The following NAV2 variants were observed in gnomAD, a reference collection of about 807,000 sequenced individuals.
NAV2 encodes helicase, APC down-regulated 1.
Under a neutral mutation model 223.2 loss-of-function variants are expected in NAV2, and 54 were observed. That is an observed-to-expected ratio of 0.24 (90% CI 0.19 to 0.30). The LOEUF is 0.30. Ranked by LOEUF, NAV2 falls within the 10% of genes least tolerant of loss-of-function variation. The pLI, the probability that NAV2 is intolerant of heterozygous loss-of-function variation, is 1.00. For missense variants in NAV2, 2,806 were observed against 3,147.5 expected (o/e 0.89, Z 2.60); for synonymous variants, 1,279 against 1,239.3 (o/e 1.03, Z -0.67).
intron 1 of NAV2, among the ~76,000 whole-genome samples, chr11:19,787,796 A>C (rs2057243808): frequency 6.6e-6 from 1 of 152,128 alleles, no homozygotes; most frequent in East Asian, 1.9e-4. Context: ...CAAAATTTAG[A>C]GTGGGAGAAA....
chr11:19,665,815 A>C (rs2048395537), intron 1 of NAV2, among the ~76,000 whole-genome samples: 1 of 152,202 alleles, frequency 6.6e-6, no homozygotes, highest in African/African-American at 2.4e-5. Flanking sequence ...TTAATCAACC[A>C]AAGTATAAGT....
At chr11:19,949,344 A>G (rs2047196450) in intron 10 of NAV2, among the ~76,000 whole-genome samples, 1 of 151,792 alleles carries the variant, frequency 6.6e-6, no homozygotes, top group Admixed American at 6.6e-5. Context: ...CTTAAACCAA[A>G]CCTTGCACTG....
At chr11:20,024,178 G>A (rs898597321) in intron 11 of NAV2, among the ~76,000 whole-genome samples, 1 of 152,192 alleles carries the variant, frequency 6.6e-6, no homozygotes, top group Non-Finnish European at 1.5e-5. Flanking sequence ...AAATACACAG[G>A]ATGCTAGCAG....
At chr11:19,669,076 AG>A (rs1378129559) in intron 1 of NAV2, among the ~76,000 whole-genome samples, 8 of 152,228 alleles carry the variant, frequency 5.3e-5, no homozygotes, top group Non-Finnish European at 8.8e-5. Flanking sequence ...TAGCTCTAGC[AG>A]GGGCACTGGG....
chr11:19,661,332 G>A (rs908904769), intron 1 of NAV2, among the ~76,000 whole-genome samples: 1 of 151,958 alleles, frequency 6.6e-6, no homozygotes, highest in Non-Finnish European at 1.5e-5. Flanking sequence ...ACCACATTTG[G>A]TGTATCCATT....
At chr11:19,539,634 TG>T (rs2134513580) in intron 1 of NAV2, among the ~76,000 whole-genome samples, 1 of 152,254 alleles carries the variant, frequency 6.6e-6, no homozygotes, top group Non-Finnish European at 1.5e-5. Context: ...TCTTAGGGGA[TG>T]GGAGCAAAAA....
chr11:20,060,839 G>A (rs977560222), intron 19 of NAV2, among the ~76,000 whole-genome samples: 1 of 152,228 alleles, frequency 6.6e-6, no homozygotes, highest in Non-Finnish European at 1.5e-5. Flanking sequence ...AATTCATAGT[G>A]TAACAAGAAC....
At chr11:19,656,298 T>C (rs2048123791) in intron 1 of NAV2, among the ~76,000 whole-genome samples, 1 of 152,204 alleles carries the variant, frequency 6.6e-6, no homozygotes, top group South Asian at 2.1e-4. Context: ...CACGGGGGCC[T>C]GTACCTTACT....
intron 1 of NAV2, among the ~76,000 whole-genome samples, chr11:19,754,868 C>T (rs77841468): frequency 0.025 from 3,780 of 152,240 alleles, 90 homozygotes; most frequent in East Asian, 0.053. Flanking sequence ...CTTAGCCTAC[C>T]GTGGTATGGA....
At chr11:19,764,234 A>T (rs2055018556) in intron 1 of NAV2, among the ~76,000 whole-genome samples, 1 of 152,222 alleles carries the variant, frequency 6.6e-6, no homozygotes, top group South Asian at 2.1e-4. Context: ...ATTTTAACTG[A>T]TATTTTAACT....
intron 1 of NAV2, among the ~76,000 whole-genome samples, chr11:19,479,550 C>T (rs939495482): frequency 2.6e-5 from 4 of 152,154 alleles, no homozygotes; most frequent in Non-Finnish European, 4.4e-5. Context: ...GAGCTTAAGT[C>T]ATTTACCCAA....
intron 6 of NAV2, among the ~76,000 whole-genome samples, chr11:19,919,271 G>A (rs2153226841): frequency 6.6e-6 from 1 of 151,068 alleles, no homozygotes; most frequent in African/African-American, 2.4e-5. Context: ...CTGTGAGTGA[G>A]CCTGGTTTCC....
intron 11 of NAV2, among the ~76,000 whole-genome samples, chr11:20,014,377 C>G (rs942025634): frequency 3.9e-5 from 6 of 152,238 alleles, no homozygotes; most frequent in African/African-American, 1.4e-4. Flanking sequence ...TTTGAACTCT[C>G]TCTGTGCCCC....
chr11:19,665,952 A>G (rs2048398728), intron 1 of NAV2, among the ~76,000 whole-genome samples: 1 of 152,148 alleles, frequency 6.6e-6, no homozygotes, highest in Admixed American at 6.5e-5. Context: ...CATCATCATC[A>G]TCGTCATCAC....
chr11:19,871,337 G>A (rs138984039), intron 4 of NAV2, among the ~76,000 whole-genome samples: 135 of 152,268 alleles, frequency 8.9e-4, no homozygotes, highest in African/African-American at 3.0e-3. Context: ...TCCTTCCAGT[G>A]TAAATGGCTT....
rs186117424 is a variant in NAV2, at chr11:19,530,762, G to A, written c.75+179735G>A. Among the ~76,000 whole-genome samples, 526 of 152,314 alleles carry A rather than the reference G, an allele frequency of 3.5e-3. 3 individuals carry two copies. The highest frequency in any genetic ancestry group is 5.5e-3 in the Non-Finnish European group (377 of 68,042). On this transcript the variant is annotated intron_variant, in intron 1 of 37. Coordinates refer to the NAV2 transcript ENST00000360655. ...CTGCTATGTGTCATGGACTGTGCAG[G>A]CACTGTATGCACATTAACTCAAAAC...
At position 19,543,632 on chromosome 11, in the gene NAV2, T is replaced by A. The variant is rs114217519; in HGVS notation, c.75+192605T>A. Among the ~76,000 whole-genome samples, 1,440 of 152,328 alleles carry A rather than the reference T, an allele frequency of 9.5e-3. 17 individuals are homozygous for A. Among genetic ancestry groups the A allele is most frequent in the African/African-American group, 0.033 (1,365 of 41,564 alleles). On this transcript the variant is annotated intron_variant, in intron 1 of 37. Coordinates refer to the NAV2 transcript ENST00000360655. ...GTAACTTTATCCAAGATAGCTACCC[T>A]CTATGAGCTTGCCTTCCTTTGTCTA... is the stretch of plus-strand genomic sequence containing the variant.
chr11:19,817,121 T>G lies in NAV2; in HGVS notation c.268-15363T>G, dbSNP rs112098033. ...AACATCCTCAAATAATCACCACGAG[T>G]GCACACAGTTTGCCTTTGGTGTTGG... is the stretch of plus-strand genomic sequence containing the variant. On this transcript the variant is annotated intron_variant, in intron 1 of 37. Coordinates refer to ENST00000349880, the MANE Select transcript of NAV2 (RefSeq NM_145117.5). Among the ~76,000 whole-genome samples the G allele has an allele frequency of 4.5e-3, 688 of 152,292 alleles. 1 individual carries two copies. The highest frequency in any genetic ancestry group is 7.6e-3 in the Non-Finnish European group (517 of 68,016).
chr11:19,913,383 T>C (rs775289879), intron 6 of NAV2, among the ~76,000 whole-genome samples: 1 of 152,196 alleles, frequency 6.6e-6, no homozygotes, highest in Non-Finnish European at 1.5e-5. Context: ...GTATGTTGTC[T>C]TGTAGAAACC....
Sources: allele counts gnomAD v4.1 joint callset (sites outside exome capture counted in the v4.1 genomes callset), GRCh38; gene constraint gnomAD v4.1.1; transcripts MANE v1.5; gene names NCBI Gene and HGNC (gene_info 2026-07-23, HGNC 2026-07-21).